NEK10: variants seen among roughly 807,000 people sequenced by gnomAD.
NEK10 encodes the protein NIMA related kinase 10.
A neutral mutation model predicts 159.8 loss-of-function variants in NEK10; 122 were observed. The observed-to-expected ratio is 0.76, with a 90% CI of 0.66 to 0.89. NEK10 has a LOEUF of 0.89. Among genes scored for constraint, NEK10 ranks in the 40% least tolerant of loss-of-function variants. The pLI, the probability that NEK10 is intolerant of heterozygous loss-of-function variation, is 0.00. For synonymous variants in NEK10, 466 were observed against 457.1 expected, an observed-to-expected ratio of 1.02 and a Z score of -0.25; for missense variants, 1,342 against 1,323.1, an observed-to-expected ratio of 1.01 and a Z score of -0.22.
At chr3:27,183,197 T>C (rs563302836) in intron 26 of NEK10, among the ~76,000 whole-genome samples, 1 of 152,008 alleles carries the variant, frequency 6.6e-6, no homozygotes. Flanking sequence ...ACCATAAATA[T>C]GTACAATTAT....
intron 1 of NEK10, chr3:27,367,563 C>T (rs1043008993): frequency 1.4e-4 from 22 of 152,060 alleles, no homozygotes; most frequent in African/African-American, 5.1e-4. Flanking sequence ...TCTGACTTTT[C>T]TGGAAGAAAT....
chr3:27,284,909 C>T lies in NEK10; in HGVS notation c.1842G>A (p.Glu614=), dbSNP rs1423966814. 6.2e-7 allele frequency: 1 copy of T among 1,602,284 alleles called. No homozygotes were observed. Among genetic ancestry groups the T allele is most frequent in the East Asian group, 2.2e-5 (1 of 44,816 alleles). The change falls in exon 21 of 36, where the codon GAG becomes GAA. Residue 614 remains glutamate (E), a synonymous_variant. Coordinates refer to ENST00000691995, the MANE Select transcript of NEK10 (RefSeq NM_001394966.1). The part of the protein sequence containing the change: ...MELIEGAPLG[E]HFSSLKEKHH... ...GTTTTTCCTTCAAAGAACTGAAATG[C>T]TCTCCAAGCGGGGCTCCTTCTATCA...
chr3:27,200,774 C>G (rs1330701000), intron 25 of NEK10, among the ~76,000 whole-genome samples: 1 of 152,068 alleles, frequency 6.6e-6, no homozygotes, highest in Admixed American at 6.6e-5. Flanking sequence ...GGGTGGGGAA[C>G]ATTTTAGCAG....
chr3:27,198,842 C>T (rs757963075), intron 25 of NEK10, among the ~76,000 whole-genome samples: 50 of 151,996 alleles, frequency 3.3e-4, no homozygotes, highest in East Asian at 1.7e-3. Context: ...GAGGCCGAGG[C>T]GTGTAGATCA....
chr3:27,283,809 T>TA (rs1458415513), intron 22 of NEK10, among the ~76,000 whole-genome samples: 1 of 152,192 alleles, frequency 6.6e-6, no homozygotes, highest in Admixed American at 6.5e-5. Context: ...CTAGAGGATT[T>TA]ATAGCCCTCC....
chr3:27,228,347 G>A (rs1478191672), intron 23 of NEK10, among the ~76,000 whole-genome samples: 1 of 151,768 alleles, frequency 6.6e-6, no homozygotes, highest in Non-Finnish European at 1.5e-5. Flanking sequence ...CCATTGCTCA[G>A]ATTTTGTGCT....
chr3:27,259,698 G>A (rs1173386505), intron 22 of NEK10, among the ~76,000 whole-genome samples: 1 of 152,144 alleles, frequency 6.6e-6, no homozygotes. Flanking sequence ...ACTTAGCAAT[G>A]TGGGCTCTTT....
chr3:27,150,521 G>C (rs146948592), intron 30 of NEK10, among the ~76,000 whole-genome samples: 1 of 152,130 alleles, frequency 6.6e-6, no homozygotes, highest in Non-Finnish European at 1.5e-5. Flanking sequence ...ACAAAGCCTG[G>C]ATGAAAGCAC....
chr3:27,230,361 C>A (rs1305470716), intron 23 of NEK10, among the ~76,000 whole-genome samples: 3 of 151,972 alleles, frequency 2.0e-5, no homozygotes, highest in African/African-American at 7.2e-5. Flanking sequence ...ACAAGAAATG[C>A]TAAAAGAACT....
chr3:27,258,990 T>C (rs1298056018), intron 22 of NEK10, among the ~76,000 whole-genome samples: 1 of 152,242 alleles, frequency 6.6e-6, no homozygotes, highest in Non-Finnish European at 1.5e-5. Context: ...CATTTTTTCA[T>C]CTGTCCTTTG....
chr3:27,118,227 GTA>G (rs1940766721), intron 33 of NEK10, among the ~76,000 whole-genome samples: 2 of 152,190 alleles, frequency 1.3e-5, no homozygotes, highest in Non-Finnish European at 2.9e-5. Context: ...AAGCCTTGTA[GTA>G]TAGTTTGAAG....
At chr3:27,368,391 G>C (rs1047963536) in intron 1 of NEK10, among the ~76,000 whole-genome samples, 6 of 151,874 alleles carry the variant, frequency 4.0e-5, no homozygotes, top group African/African-American at 1.5e-4. Context: ...GGATAGATAG[G>C]GCCAGACTAG....
intron 26 of NEK10, among the ~76,000 whole-genome samples, chr3:27,179,666 T>C (rs1575125683): frequency 6.6e-6 from 1 of 152,246 alleles, no homozygotes; most frequent in East Asian, 1.9e-4. Flanking sequence ...ACAACAATAC[T>C]GACCACCATG....
Position 27,106,815 on chromosome 3 carries a change from C to G in NEK10, c.*4457G>C, listed in dbSNP as rs1939026633. 6.6e-6 allele frequency among the ~76,000 whole-genome samples: 1 copy of G among 152,176 alleles called. No individual in the cohort carries two copies. The highest frequency in any genetic ancestry group is 2.4e-5 in the African/African-American group (1 of 41,440). Reference sequence around the variant, plus strand: ...CTGGATTTGTTGATTGTCAAAATGACAGTCAGCCATAATCCTCCATACATA... The same window carrying G: ...CTGGATTTGTTGATTGTCAAAATGAGAGTCAGCCATAATCCTCCATACATA... On this transcript the variant is annotated 3_prime_UTR_variant, in exon 36 of 36. Transcript: ENST00000691995.
chr3:27,337,412 A>T (rs1395001380), intron 5 of NEK10, among the ~76,000 whole-genome samples: 3 of 151,830 alleles, frequency 2.0e-5, no homozygotes, highest in Non-Finnish European at 2.9e-5. Flanking sequence ...ATTCAATGCA[A>T]TCCCTATCAA....
rs371841494 is a variant in NEK10, at chr3:27,236,921, A to G, written c.2090+19375T>C. Among the ~76,000 whole-genome samples, 142 of 152,270 alleles carry G rather than the reference A, an allele frequency of 9.3e-4. 3 individuals are homozygous for G. The Middle Eastern group carries it at 0.01, about 11-fold the overall frequency. ...AGGGTGGGATCTTTTCCCCACTCTA[A>G]TAAGCCTCAGGGTACTGCAGGAGAC... On this transcript the variant is annotated intron_variant, in intron 23 of 35. Transcript: ENST00000691995.
chr3:27,197,406 C>T (rs909243130), intron 25 of NEK10, among the ~76,000 whole-genome samples: 1 of 151,902 alleles, frequency 6.6e-6, no homozygotes, highest in Non-Finnish European at 1.5e-5. Flanking sequence ...AAACACCTGA[C>T]CTCAGGTGAT....
chr3:27,354,567 G>GA (rs1423480936), intron 1 of NEK10, among the ~76,000 whole-genome samples: 1 of 152,096 alleles, frequency 6.6e-6, no homozygotes, highest in Non-Finnish European at 1.5e-5. Context: ...GAGAAGTTGG[G>GA]AATGCTTTAA....
At position 27,172,697 on chromosome 3, in the gene NEK10, C is replaced by T. The variant is rs187157433; in HGVS notation, c.2777-824G>A. Reference sequence around the variant, plus strand: ...CATACAATGTATAATTTAATGACTACACATTCTATGCATATATCAAAATAT... The same window carrying T: ...CATACAATGTATAATTTAATGACTATACATTCTATGCATATATCAAAATAT... On this transcript the variant is annotated intron_variant, in intron 28 of 35. Coordinates refer to ENST00000691995, the MANE Select transcript of NEK10 (RefSeq NM_001394966.1). Among the ~76,000 whole-genome samples the T allele has an allele frequency of 9.9e-4, 151 of 152,216 alleles. 1 individual carries two copies. Among genetic ancestry groups the T allele is most frequent in the African/African-American group, 3.5e-3 (145 of 41,540 alleles).
Sources: allele counts gnomAD v4.1 joint callset (sites outside exome capture counted in the v4.1 genomes callset), GRCh38; gene constraint gnomAD v4.1.1; transcripts MANE v1.5; gene names NCBI Gene and HGNC (gene_info 2026-07-23, HGNC 2026-07-21).